SPMIP7: variants seen among roughly 807,000 people sequenced by gnomAD.
The protein encoded by SPMIP7 is protein SPMIP7.
At chr7:50,130,790 G>A in the SPMIP7 span, among the ~76,000 whole-genome samples, 3 of 151,962 alleles carry the variant, frequency 2.0e-5, no homozygotes, top group African/African-American at 7.3e-5. Flanking sequence ...GAGATTTGGA[G>A]TGACTCTATA....
the SPMIP7 span, among the ~76,000 whole-genome samples, chr7:50,136,562 TA>T: frequency 8.5e-5 from 13 of 152,120 alleles, no homozygotes; most frequent in East Asian, 7.7e-4. Context: ...TAATATAAAA[TA>T]GGGAGGGCTT....
the SPMIP7 span, chr7:50,158,906 A>G: frequency 1.3e-6 from 1 of 768,862 alleles, no homozygotes. Flanking sequence ...GCTCCCCAGC[A>G]CGAGTCATCC....
chr7:50,120,604 C>A, the SPMIP7 span, among the ~76,000 whole-genome samples: 2 of 152,074 alleles, frequency 1.3e-5, no homozygotes, highest in East Asian at 3.8e-4. Context: ...ACACTGCCAC[C>A]GAATGCACCA....
chr7:50,129,011 G>A, the SPMIP7 span, among the ~76,000 whole-genome samples: 364 of 151,966 alleles, frequency 2.4e-3, 3 homozygotes, highest in South Asian at 0.014. Flanking sequence ...ATACATCCTC[G>A]AAGTCAATGA....
chr7:50,135,128 C>A, the SPMIP7 span, among the ~76,000 whole-genome samples: 2 of 152,192 alleles, frequency 1.3e-5, no homozygotes, highest in African/African-American at 4.8e-5. Flanking sequence ...CTTCATCACT[C>A]TCCCTATTTA....
the SPMIP7 span, among the ~76,000 whole-genome samples, chr7:50,158,739 G>A: frequency 2.0e-5 from 3 of 151,998 alleles, no homozygotes; most frequent in South Asian, 6.3e-4. Flanking sequence ...TGATTCCCCC[G>A]GCCACCCCAC....
At chr7:50,120,433 A>G in the SPMIP7 span, 6,788 of 152,298 alleles carry the variant, frequency 0.045, 255 homozygotes, top group South Asian at 0.089. Context: ...TTCAGCAAAA[A>G]CACTTAATGG....
chr7:50,136,595 A>T, the SPMIP7 span, among the ~76,000 whole-genome samples: 2 of 152,194 alleles, frequency 1.3e-5, 1 homozygote, highest in Middle Eastern at 6.3e-3. Context: ...TGATATAAAC[A>T]ATTACAATAT....
chr7:50,158,979 T>G, the SPMIP7 span: 238 of 1,486,958 alleles, frequency 1.6e-4, no homozygotes, highest in Non-Finnish European at 1.9e-4. Flanking sequence ...ATTAGTTGGA[T>G]GAGGTTGTGT....
At chr7:50,122,972 C>G in the SPMIP7 span, among the ~76,000 whole-genome samples, 2 of 147,130 alleles carry the variant, frequency 1.4e-5, no homozygotes, top group Non-Finnish European at 3.0e-5. Flanking sequence ...GTTGGTGGGA[C>G]TGTAAACTAG....
the SPMIP7 span, among the ~76,000 whole-genome samples, chr7:50,107,786 G>A: frequency 6.6e-6 from 1 of 152,136 alleles, no homozygotes; most frequent in Admixed American, 6.6e-5. Flanking sequence ...ATGAGTTATG[G>A]TTCCAAACAA....
chr7:50,116,879 T>C, the SPMIP7 span, among the ~76,000 whole-genome samples: 4 of 152,356 alleles, frequency 2.6e-5, no homozygotes, highest in South Asian at 6.2e-4. Context: ...GAAAAACTTC[T>C]GTTTTCAAGA....
the SPMIP7 span, among the ~76,000 whole-genome samples, chr7:50,107,717 G>T: frequency 6.6e-6 from 1 of 152,136 alleles, no homozygotes; most frequent in African/African-American, 2.4e-5. Flanking sequence ...TATCCACTGC[G>T]TGTTTATTTC....
At chr7:50,140,230 G>T in the SPMIP7 span, 4 of 1,183,672 alleles carry the variant, frequency 3.4e-6, no homozygotes, top group Non-Finnish European at 3.5e-6. Context: ...TTTATATTTT[G>T]GTTGTAGTTG....
At chr7:50,120,256 A>G in the SPMIP7 span, 1 of 152,212 alleles carries the variant, frequency 6.6e-6, no homozygotes, top group East Asian at 1.9e-4. Context: ...AAAGTTTCTA[A>G]CGAGGTTCCT....
the SPMIP7 span, among the ~76,000 whole-genome samples, chr7:50,113,225 A>T: frequency 6.6e-6 from 1 of 152,132 alleles, no homozygotes; most frequent in Non-Finnish European, 1.5e-5. Context: ...TGGAAAAAAA[A>T]TCCAAAACTT....
chr7:50,107,520 GA>G, the SPMIP7 span, among the ~76,000 whole-genome samples: 1 of 151,770 alleles, frequency 6.6e-6, no homozygotes, highest in Non-Finnish European at 1.5e-5. Context: ...GGTAATTGGA[GA>G]ATTGGAGAAC....
chr7:50,121,931 A>G, the SPMIP7 span, among the ~76,000 whole-genome samples: 4 of 151,638 alleles, frequency 2.6e-5, no homozygotes, highest in Non-Finnish European at 5.9e-5. Flanking sequence ...TGCTGGGATT[A>G]CAGGCATGAG....
At chr7:50,108,833 A>G in the SPMIP7 span, among the ~76,000 whole-genome samples, 34 of 152,220 alleles carry the variant, frequency 2.2e-4, no homozygotes, top group African/African-American at 8.2e-4. Context: ...AAATGACCAT[A>G]ATGTAGTTAT....
Sources: allele counts gnomAD v4.1 joint callset (sites outside exome capture counted in the v4.1 genomes callset), GRCh38; gene constraint gnomAD v4.1.1; transcripts MANE v1.5; gene names NCBI Gene and HGNC (gene_info 2026-07-23, HGNC 2026-07-21).